USO1: variants seen among roughly 807,000 people sequenced by gnomAD.
USO1 encodes the protein USO1 vesicle transport factor, also known as general vesicular transport factor p115.
A neutral mutation model predicts 124.5 loss-of-function variants in USO1; 57 were observed. That is an observed-to-expected ratio of 0.46 (90% CI 0.37 to 0.57). The LOEUF is 0.57. USO1 is among the 20% of genes least tolerant of loss of function. The pLI, the probability that USO1 is intolerant of heterozygous loss-of-function variation, is 0.00. For synonymous variants in USO1, 369 were observed against 362.8 expected (o/e 1.02, Z -0.19); for missense variants, 900 against 1,040.6 (o/e 0.86, Z 1.86).
chr4:75,793,053 A>G (rs1446864170), intron 12 of USO1, among the ~76,000 whole-genome samples: 2 of 152,074 alleles, frequency 1.3e-5, no homozygotes, highest in African/African-American at 2.4e-5. Flanking sequence ...CTCCAGGTTC[A>G]TCTGTGTTGT....
In USO1 at chr4:75,793,820, G is replaced by A; in HGVS notation, c.1371G>A (p.Gln457=). 6.2e-7 allele frequency: 1 copy of A among 1,613,986 alleles called. No homozygotes were observed. Among genetic ancestry groups the A allele is most frequent in the Non-Finnish European group, 8.5e-7 (1 of 1,179,876 alleles). ...ALQENATQKE[Q]LLRVQLATSI... is the part of the protein sequence containing the mutation. ...AAGAAAATGCCACCCAGAAAGAACA[G>A]TTGCTCAGGGTTCAACTTGCTACAA... The change falls in exon 13 of 24, where the codon CAG becomes CAA. Residue 457 remains glutamine, a synonymous_variant. Transcript: ENST00000514213.
At chr4:75,804,549 A>T (rs557630530) in intron 18 of USO1, among the ~76,000 whole-genome samples, 30 of 151,420 alleles carry the variant, frequency 2.0e-4, no homozygotes, top group African/African-American at 4.1e-4. Context: ...ATGCTTTTTT[A>T]AAAAAAAATA....
intron 1 of USO1, among the ~76,000 whole-genome samples, chr4:75,736,163 A>G (rs1720782655): frequency 6.6e-6 from 1 of 152,152 alleles, no homozygotes; most frequent in Non-Finnish European, 1.5e-5. Context: ...TCCAGAGATA[A>G]CCACTATTAC....
chr4:75,810,799 C>T (rs1364513232), intron 22 of USO1, among the ~76,000 whole-genome samples: 1 of 152,094 alleles, frequency 6.6e-6, no homozygotes, highest in Non-Finnish European at 1.5e-5. Context: ...GGCGCGATCT[C>T]GGCTCACCAC....
intron 21 of USO1, 45 bp downstream of exon 21, chr4:75,809,096 T>C: frequency 6.6e-7 from 1 of 1,526,260 alleles, no homozygotes; most frequent in Non-Finnish European, 8.8e-7. Flanking sequence ...AAAGACAAGG[T>C]TGATGTATTA....
At position 75,773,319 on chromosome 4, in the gene USO1, T is replaced by C. The variant is rs138235827; in HGVS notation, c.556-1357T>C. Among the ~76,000 whole-genome samples the C allele has an allele frequency of 2.1e-3, 320 of 151,800 alleles. 1 individual carries two copies. Among genetic ancestry groups the C allele is most frequent in the African/African-American group, 6.9e-3 (286 of 41,450 alleles). On this transcript the variant is annotated intron_variant, in intron 7 of 23. Transcript: ENST00000514213. ...GGTTTTTACATGTTTTATAACCTTT[T>C]TTTTATTTTAATAAACCTATTCAAG...
chr4:75,755,405 C>G (rs964324200), intron 3 of USO1: 1 of 515,270 alleles, frequency 1.9e-6, no homozygotes, highest in Non-Finnish European at 3.9e-6. Flanking sequence ...TTCTGAAATG[C>G]GTATCTTCAG....
chr4:75,778,352 T>C (rs1031769210), intron 8 of USO1, among the ~76,000 whole-genome samples: 1 of 152,322 alleles, frequency 6.6e-6, no homozygotes, highest in African/African-American at 2.4e-5. Context: ...AGAGAAAATA[T>C]ATTTACTGTT....
At position 75,810,800 on chromosome 4, in the gene USO1, G is replaced by A. The variant is rs535787597; in HGVS notation, c.2583+261G>A. 9.2e-5 allele frequency among the ~76,000 whole-genome samples: 14 copies of A among 151,992 alleles called. No individual in the cohort carries two copies. In the East Asian group the frequency reaches 2.7e-3, roughly 29 times the overall value. On this transcript the variant is annotated intron_variant, in intron 22 of 23. Coordinates refer to ENST00000514213, the MANE Select transcript of USO1 (RefSeq NM_003715.4). ...GACTGGAGTACAGTGGCGCGATCTC[G>A]GCTCACCACAACCTCTGCCTCCCAG...
At position 75,810,556 on chromosome 4, in the gene USO1, A is replaced by C; in HGVS notation, c.2583+17A>C. On this transcript the variant is annotated intron_variant, in intron 22 of 23. Coordinates refer to ENST00000514213, the MANE Select transcript of USO1 (RefSeq NM_003715.4). ...GAGTTAAAGGTTTGTTTTTGGTGCAACTTTTATTTACTGCATATGATATGA... is the reference window on the plus strand; with the variant it reads ...GAGTTAAAGGTTTGTTTTTGGTGCACCTTTTATTTACTGCATATGATATGA... 1 of 1,588,704 alleles carries C rather than the reference A, an allele frequency of 6.3e-7. No homozygotes were observed. The highest frequency in any genetic ancestry group is 8.5e-7 in the Non-Finnish European group (1 of 1,170,344).
chr4:75,753,151 G>A (rs1305816555), intron 3 of USO1, among the ~76,000 whole-genome samples: 2 of 152,160 alleles, frequency 1.3e-5, no homozygotes, highest in African/African-American at 4.8e-5. Context: ...AGATATGGTG[G>A]CTCAAGCTTG....
chr4:75,779,492 A>G (rs1212251167), intron 8 of USO1, among the ~76,000 whole-genome samples: 1 of 152,260 alleles, frequency 6.6e-6, no homozygotes, highest in Non-Finnish European at 1.5e-5. Context: ...ATGAATAATT[A>G]GAAAGCAAAA....
intron 12 of USO1, among the ~76,000 whole-genome samples, chr4:75,793,005 T>C (rs1456003984): frequency 6.6e-6 from 1 of 152,136 alleles, no homozygotes; most frequent in Admixed American, 6.5e-5. Flanking sequence ...CAAATGTTAG[T>C]CTTTACATAC....
At chr4:75,752,741 G>T (rs1721326928) in intron 3 of USO1, 137 bp downstream of exon 3, 3 of 384,714 alleles carry the variant, frequency 7.8e-6, no homozygotes, top group Admixed American at 4.5e-5. Flanking sequence ...GCCCACGCTG[G>T]TCTCGAACTC....
intron 20 of USO1, 121 bp downstream of exon 20, chr4:75,806,693 C>G (rs1190075984): frequency 1.5e-6 from 2 of 1,296,464 alleles, no homozygotes. Context: ...TAAGTTAAGA[C>G]AGCCATTTGA....
intron 4 of USO1, among the ~76,000 whole-genome samples, chr4:75,766,959 G>A (rs954222250): frequency 5.9e-5 from 9 of 152,302 alleles, no homozygotes; most frequent in African/African-American, 2.2e-4. Context: ...TGTTAGTAAT[G>A]TACCTCATTT....
Position 75,770,470 on chromosome 4 carries a change from G to A in USO1, c.327G>A (p.Leu109=). 6.3e-7 allele frequency: 1 copy of A among 1,590,604 alleles called. No homozygotes were observed. The highest frequency in any genetic ancestry group is 1.2e-5 in the South Asian group (1 of 86,598). ...ATTCCACAAGACAGAGTGAAGATTT[G>A]GGAAGCCAATTTACAGAAATTTTCA... The part of the protein sequence containing the change: ...EENSTRQSED[L]GSQFTEIFIK... Residue 109 remains leucine (L), a synonymous_variant, in exon 5 of 24, where the codon TTG becomes TTA. Coordinates refer to ENST00000514213, the MANE Select transcript of USO1 (RefSeq NM_003715.4).
Position 75,804,174 on chromosome 4 carries a change from T to C in USO1, c.2027T>C (p.Leu676Ser), listed in dbSNP as rs1722929248. Reference sequence around the variant, plus strand: ...GAATTAAGGCAGCAGGTTTCTACATTAAAATGTCAAAATGAACAGCTCCAG... The same window carrying C: ...GAATTAAGGCAGCAGGTTTCTACATCAAAATGTCAAAATGAACAGCTCCAG... ...LEELRQQVST[L>S]KCQNEQLQTA... Residue 676 changes from leucine (L) to serine (S), a missense_variant, in exon 18 of 24, where the codon TTA (leucine) becomes TCA (serine). Leu to Ser is a moderately radical substitution (Grantham distance 145). This residue lies in a region of USO1 where 362 missense variants were observed against 359.0 expected (regional missense o/e 1.01). Transcript: ENST00000514213. The C allele has an allele frequency of 6.2e-7, 1 of 1,613,426 alleles. No individual in the cohort carries two copies. The highest frequency in any genetic ancestry group is 1.3e-5 in the African/African-American group (1 of 74,894).
intron 8 of USO1, among the ~76,000 whole-genome samples, chr4:75,779,678 A>G (rs1413677768): frequency 1.3e-5 from 2 of 152,252 alleles, no homozygotes; most frequent in East Asian, 1.9e-4. Context: ...GATATTGTGC[A>G]TGAAAGTAGC....
Sources: gnomAD v4.1 joint callset for allele counts (sites outside exome capture counted in the v4.1 genomes callset) on GRCh38, gnomAD v4.1.1 for gene constraint, gnomAD v4.1.1 regional missense constraint, MANE v1.5 for transcripts, NCBI Gene and HGNC (gene_info 2026-07-23, HGNC 2026-07-21) for gene names.